Variants in PUS10 observed in about 807,000 individuals in gnomAD.
The protein encoded by PUS10 is tRNA pseudouridine synthase Pus10.
Under a neutral mutation model 75.0 loss-of-function variants are expected in PUS10, and 59 were observed. The ratio of observed to expected loss-of-function variants is 0.79; its 90% CI spans 0.64 to 0.98. The LOEUF (loss-of-function observed/expected upper bound fraction) is 0.98, where lower values mean the gene tolerates loss of function less well. Among genes scored for constraint, PUS10 ranks in the 50% least tolerant of loss-of-function variants. The probability of loss-of-function intolerance (pLI) is 0.00; values close to 1 mark genes in which losing one functional copy is unlikely to be tolerated. For synonymous variants in PUS10, 219 were observed against 211.6 expected (o/e 1.03, Z -0.30); for missense variants, 650 against 614.4 (o/e 1.06, Z -0.61).
chr2:60,969,986 G>A (rs1427336222), intron 5 of PUS10, among the ~76,000 whole-genome samples: 5 of 152,080 alleles, frequency 3.3e-5, no homozygotes, highest in Admixed American at 2.6e-4. Flanking sequence ...AAGCTAGTTG[G>A]GAGGCTGAGG....
chr2:60,965,326 T>C (rs1676270566), intron 7 of PUS10, 97 bp downstream of exon 7: 2 of 1,097,844 alleles, frequency 1.8e-6, no homozygotes, highest in South Asian at 2.6e-5. Context: ...AACAAGTTCT[T>C]CTCTTTCTTA....
chr2:60,964,213 T>C (rs1330502766), intron 8 of PUS10, among the ~76,000 whole-genome samples: 1 of 152,250 alleles, frequency 6.6e-6, no homozygotes, highest in Non-Finnish European at 1.5e-5. Context: ...TCTGCATTTC[T>C]AATTATTTCT....
chr2:60,957,381 T>C (rs1359054669), intron 11 of PUS10, among the ~76,000 whole-genome samples: 1 of 152,202 alleles, frequency 6.6e-6, no homozygotes, highest in African/African-American at 2.4e-5. Context: ...GGCTGGCTCA[T>C]AGCATTTATG....
chr2:60,945,656 C>T (rs190751642), intron 16 of PUS10, among the ~76,000 whole-genome samples: 7 of 152,248 alleles, frequency 4.6e-5, no homozygotes, highest in Non-Finnish European at 1.0e-4. Flanking sequence ...GACCTACCGT[C>T]TAGTTTGCTA....
In PUS10 at chr2:61,000,060, C is replaced by T. The variant is rs796632934; in HGVS notation, c.468+6497G>A. Reference sequence around the variant, plus strand: ...GGGGCTCGGGGGTCCTAGAACCAACCCCCCACAGATATCAAGGGACAACTG... The same window carrying T: ...GGGGCTCGGGGGTCCTAGAACCAACTCCCCACAGATATCAAGGGACAACTG... On this transcript the variant is annotated intron_variant, in intron 4 of 17. Coordinates refer to ENST00000316752, the MANE Select transcript of PUS10 (RefSeq NM_144709.4). 2.0e-5 allele frequency among the ~76,000 whole-genome samples: 3 copies of T among 151,782 alleles called. No individual in the cohort carries two copies. The South Asian group carries it at 6.3e-4, about 32-fold the overall frequency.
chr2:60,977,764 C>A (rs1677124581), intron 4 of PUS10, among the ~76,000 whole-genome samples: 1 of 152,124 alleles, frequency 6.6e-6, no homozygotes, highest in South Asian at 2.1e-4. Flanking sequence ...GAAACAAACA[C>A]TAGATCAAAA....
chr2:60,965,314 A>G (rs1676269705), intron 7 of PUS10, 109 bp downstream of exon 7: 2 of 1,054,378 alleles, frequency 1.9e-6, no homozygotes, highest in Admixed American at 2.0e-5. Context: ...CTACTAAGAC[A>G]TAACAAGTTC....
chr2:60,944,885 G>A (rs767749479), intron 17 of PUS10, 124 bp downstream of exon 17: 4 of 682,410 alleles, frequency 5.9e-6, no homozygotes, highest in Non-Finnish European at 1.0e-5. Flanking sequence ...CAATGTTACT[G>A]TGAGATTTTC....
At chr2:61,008,697 T>G in intron 3 of PUS10, 64 bp downstream of exon 3, 1 of 1,279,018 alleles carries the variant, frequency 7.8e-7, no homozygotes. Context: ...GAAAAAAGAA[T>G]TCTTGGTTTT....
At position 60,947,985 on chromosome 2, in the gene PUS10, T is replaced by C. The variant is rs1185304060; in HGVS notation, c.1451+58A>G. The C allele has an allele frequency of 1.9e-6, 3 of 1,598,580 alleles. No individual in the cohort carries two copies. The East Asian group carries it at 6.7e-5, about 36-fold the overall frequency. Reference sequence around the variant, plus strand: ...GCTGACCCTGTTTTCTAGGGGACCATGAACTTTTCCAATAGAGTTCTGGTT... The same window carrying C: ...GCTGACCCTGTTTTCTAGGGGACCACGAACTTTTCCAATAGAGTTCTGGTT... On this transcript the variant is annotated intron_variant, in intron 16 of 17. Transcript: ENST00000316752.
chr2:60,965,137 A>T (rs1676257605), intron 7 of PUS10, 34 bp from the exon 8 acceptor site: 8 of 1,587,836 alleles, frequency 5.0e-6, no homozygotes, highest in Non-Finnish European at 6.0e-6. Context: ...TAAAAGGTTA[A>T]TGAGTTTATT....
rs770575276 is a variant in PUS10 at position 60,948,149 on chromosome 2, G to A, written c.1345C>T (p.Leu449Phe). 1 of 1,614,148 alleles carries A rather than the reference G, an allele frequency of 6.2e-7. No individual in the cohort carries two copies. The highest frequency in any genetic ancestry group is 8.5e-7 in the Non-Finnish European group (1 of 1,180,018). The change falls in exon 16 of 18, where the codon CTT becomes TTT. Residue 449 changes from leucine (L) to phenylalanine (F), a missense_variant. By Grantham distance (22) the Leu-to-Phe change is conservative. Coordinates refer to ENST00000316752, the MANE Select transcript of PUS10 (RefSeq NM_144709.4). Reference sequence around the variant, plus strand: ...CGCACAGCCAGGGGCCTTCGGTGAAGGACGCGCAAAGGTGTTTTCTGGTCG... The same window carrying A: ...CGCACAGCCAGGGGCCTTCGGTGAAAGACGCGCAAAGGTGTTTTCTGGTCG... ...KIDQKTPLRV[L>F]HRRPLAVRAR...
intron 4 of PUS10, chr2:60,998,843 A>C (rs992244076): frequency 1.3e-5 from 2 of 152,168 alleles, no homozygotes; most frequent in African/African-American, 4.8e-5. Flanking sequence ...GATGGGTAGA[A>C]ATGGTAGTGC....
At chr2:60,990,844 A>C (rs1678029992) in intron 4 of PUS10, among the ~76,000 whole-genome samples, 2 of 152,110 alleles carry the variant, frequency 1.3e-5, no homozygotes, top group Non-Finnish European at 2.9e-5. Context: ...GTCTGGGTTC[A>C]AGCAATCCTC....
intron 4 of PUS10, among the ~76,000 whole-genome samples, chr2:60,977,553 T>C (rs7596362): frequency 0.48 from 73,695 of 152,188 alleles, 21,635 homozygotes; most frequent in African/African-American, 0.82. Flanking sequence ...CCATCATTTT[T>C]GTACTATTGT....
At chr2:61,014,432 G>C (rs13005116) in intron 1 of PUS10, among the ~76,000 whole-genome samples, 21,513 of 151,948 alleles carry the variant, frequency 0.14, 1,829 homozygotes, top group Non-Finnish European at 0.19. Flanking sequence ...AACAAATTAA[G>C]TACAAAATAT....
Position 60,942,124 on chromosome 2 carries a change from G to A in PUS10, c.*271C>T, listed in dbSNP as rs1674655549. 2.6e-6 allele frequency: 1 copy of A among 378,728 alleles called. No homozygotes were observed. Among genetic ancestry groups the A allele is most frequent in the African/African-American group, 2.1e-5 (1 of 48,134 alleles). 23.5% of individuals were successfully genotyped at this position (378,728 alleles called of 1,614,324 possible). On this transcript the variant is annotated 3_prime_UTR_variant, in exon 18 of 18. Transcript: ENST00000316752. ...GCACCTCTCTAAATGAAAGAATTAA[G>A]GAGAATTATTTCATTATTCATAGTT...
intron 15 of PUS10, among the ~76,000 whole-genome samples, chr2:60,949,577 T>A (rs929384095): frequency 1.3e-5 from 2 of 152,138 alleles, no homozygotes; most frequent in Non-Finnish European, 2.9e-5. Flanking sequence ...TTTTTTTTTT[T>A]AGAAATAAGA....
At chr2:60,942,657 T>G (rs1220539815) in intron 17 of PUS10, among the ~76,000 whole-genome samples, 1 of 152,210 alleles carries the variant, frequency 6.6e-6, no homozygotes, top group East Asian at 1.9e-4. Flanking sequence ...GCTACTCAGT[T>G]GGTTATTAAC....
Sources: gnomAD v4.1 joint callset for allele counts (sites outside exome capture counted in the v4.1 genomes callset) on GRCh38, gnomAD v4.1.1 for gene constraint, MANE v1.5 for transcripts, NCBI Gene and HGNC (gene_info 2026-07-23, HGNC 2026-07-21) for gene names.